Variants in RNF150 observed in about 807,000 individuals in gnomAD.
The protein encoded by RNF150 is ring finger protein 150.
A neutral mutation model predicts 39.3 loss-of-function variants in RNF150; 24 were observed. The ratio of observed to expected loss-of-function variants is 0.61; its 90% CI spans 0.44 to 0.86. The LOEUF (loss-of-function observed/expected upper bound fraction) is 0.86, where lower values mean the gene tolerates loss of function less well. Among genes scored for constraint, RNF150 ranks in the 40% least tolerant of loss-of-function variants. The probability of loss-of-function intolerance (pLI) is 0.00; values close to 1 mark genes in which losing one functional copy is unlikely to be tolerated. For missense variants in RNF150, 502 were observed against 587.8 expected, an observed-to-expected ratio of 0.85 and a Z score of 1.51; for synonymous variants, 255 against 227.3, an observed-to-expected ratio of 1.12 and a Z score of -1.10.
At chr4:141,169,286 T>C (rs192527171) in intron 1 of RNF150, among the ~76,000 whole-genome samples, 139 of 152,236 alleles carry the variant, frequency 9.1e-4, no homozygotes, top group African/African-American at 3.2e-3. Context: ...ACTTCCCCTT[T>C]ACCTTCTGCC....
At chr4:141,070,238 G>A (rs1038654516) in intron 1 of RNF150, among the ~76,000 whole-genome samples, 2 of 152,194 alleles carry the variant, frequency 1.3e-5, no homozygotes, top group African/African-American at 4.8e-5. Flanking sequence ...ATTCAAAATG[G>A]ATTAAAGATT....
chr4:140,948,179 C>T (rs1176798733), intron 3 of RNF150, among the ~76,000 whole-genome samples: 2 of 151,830 alleles, frequency 1.3e-5, no homozygotes, highest in African/African-American at 4.8e-5. Flanking sequence ...TAACATAGTG[C>T]TTATGTAATA....
chr4:140,920,443 C>T (rs1457015089), intron 5 of RNF150, among the ~76,000 whole-genome samples: 4 of 135,038 alleles, frequency 3.0e-5, no homozygotes, highest in Admixed American at 7.9e-5. Context: ...AAAACGCTCA[C>T]CATCACTGGC....
At chr4:141,178,832 T>TGTGTTCTAGAACACATACTA (rs541914155) in intron 1 of RNF150, among the ~76,000 whole-genome samples, 4 of 152,114 alleles carry the variant, frequency 2.6e-5, no homozygotes, top group Admixed American at 1.3e-4. Flanking sequence ...AAGCTGAGTA[T>TGTGTTCTAGAACACATACTA]GTGTTCTAGA....
At chr4:141,045,227 A>G (rs1736526598) in intron 1 of RNF150, among the ~76,000 whole-genome samples, 1 of 152,252 alleles carries the variant, frequency 6.6e-6, no homozygotes, top group Non-Finnish European at 1.5e-5. Context: ...TCAAAATACC[A>G]GAAACACCTG....
At chr4:141,085,480 A>G (rs1265331739) in intron 1 of RNF150, among the ~76,000 whole-genome samples, 2 of 152,230 alleles carry the variant, frequency 1.3e-5, no homozygotes, top group Non-Finnish European at 2.9e-5. Context: ...AACATCCCAG[A>G]TGAGGTCTCT....
chr4:140,903,836 G>A (rs1730277493), intron 6 of RNF150, among the ~76,000 whole-genome samples: 1 of 152,172 alleles, frequency 6.6e-6, no homozygotes, highest in African/African-American at 2.4e-5. Context: ...CTCAGGCTGA[G>A]TGCTCCAAGT....
At chr4:140,880,649 G>T (rs532402623) in intron 6 of RNF150, among the ~76,000 whole-genome samples, 176 of 147,920 alleles carry the variant, frequency 1.2e-3, no homozygotes, top group African/African-American at 3.4e-3. Context: ...GTTTTTTTTT[G>T]TTTGTTTGTT....
intron 1 of RNF150, among the ~76,000 whole-genome samples, chr4:141,108,093 A>G (rs953712268): frequency 1.3e-5 from 2 of 152,150 alleles, no homozygotes; most frequent in African/African-American, 4.8e-5. Flanking sequence ...CCTCTTTAGC[A>G]TATCATTCAG....
At chr4:141,016,143 G>A (rs995904083) in intron 1 of RNF150, among the ~76,000 whole-genome samples, 2 of 151,722 alleles carry the variant, frequency 1.3e-5, no homozygotes, top group Admixed American at 6.6e-5. Flanking sequence ...TTTTTACTGC[G>A]TCCGTCCCTG....
intron 1 of RNF150, among the ~76,000 whole-genome samples, chr4:141,117,064 G>A (rs1048881919): frequency 2.0e-5 from 3 of 152,056 alleles, no homozygotes; most frequent in African/African-American, 7.2e-5. Flanking sequence ...GTTGCTGGGT[G>A]CAGCAAACCA....
intron 1 of RNF150, among the ~76,000 whole-genome samples, chr4:141,105,510 C>T (rs1439497432): frequency 6.6e-6 from 1 of 152,172 alleles, no homozygotes; most frequent in Non-Finnish European, 1.5e-5. Context: ...CCACCAATCT[C>T]CCAAATGCTC....
At chr4:140,885,568 C>T (rs1039785014) in intron 6 of RNF150, among the ~76,000 whole-genome samples, 6 of 151,316 alleles carry the variant, frequency 4.0e-5, no homozygotes, top group Non-Finnish European at 8.8e-5. Context: ...TCTCGAGTAG[C>T]TGGGATTACA....
At position 140,999,969 on chromosome 4, in the gene RNF150, G is replaced by GAAGAAAAGAAGAA. The variant is rs1553935655; in HGVS notation, c.485-32097_485-32096insTTCTTCTTTTCTT. Among the ~76,000 whole-genome samples, 6 of 31,004 alleles carry GAAGAAAAGAAGAA rather than the reference G, an allele frequency of 1.9e-4. 2 individuals are homozygous for GAAGAAAAGAAGAA. The highest frequency in any genetic ancestry group is 2.7e-4 in the African/African-American group (4 of 14,640). The allele number at this position is 31,004 out of a possible 152,430, so 20.3% of individuals were successfully genotyped here. On this transcript the variant is annotated intron_variant, in intron 1 of 6. Coordinates refer to ENST00000515673, the MANE Select transcript of RNF150 (RefSeq NM_020724.2). ...AGAAGAAGAAGAAGAAGAAGAAGAA[G>GAAGAAAAGAAGAA]AAGAAGAAAAGAAGAAAAGAAGAAA...
chr4:141,023,361 T>C (rs1029931313), intron 1 of RNF150, among the ~76,000 whole-genome samples: 6 of 151,972 alleles, frequency 3.9e-5, no homozygotes, highest in African/African-American at 9.7e-5. Context: ...TTCTCCTGCC[T>C]TGGCTTCCCA....
intron 1 of RNF150, among the ~76,000 whole-genome samples, chr4:141,176,954 AC>A (rs1380360507): frequency 1.3e-5 from 2 of 150,874 alleles, no homozygotes; most frequent in African/African-American, 4.9e-5. Context: ...GGTGGTTCAC[AC>A]CTGTAATCCC....
intron 4 of RNF150, among the ~76,000 whole-genome samples, chr4:140,945,558 T>TATATATACATATATACATATATATACTAC (rs1560980520): frequency 6.3e-5 from 9 of 142,298 alleles, no homozygotes; most frequent in Admixed American, 3.6e-4. Context: ...ACACTACATA[T>TATATATACATATATACATATATATACTAC]ATATATACAT....
chr4:141,053,865 C>A, intron 1 of RNF150: 1 of 425,028 alleles, frequency 2.4e-6, no homozygotes, highest in South Asian at 1.2e-4. Flanking sequence ...CTTTCACTAT[C>A]ACATTGAAAA....
intron 1 of RNF150, among the ~76,000 whole-genome samples, chr4:141,161,322 T>G (rs924584608): frequency 6.6e-6 from 1 of 152,200 alleles, no homozygotes; most frequent in Non-Finnish European, 1.5e-5. Flanking sequence ...CAGAAAAAGT[T>G]TGTAAGCAGC....
Sources: allele counts gnomAD v4.1 joint callset (sites outside exome capture counted in the v4.1 genomes callset), GRCh38; gene constraint gnomAD v4.1.1; transcripts MANE v1.5; gene names NCBI Gene and HGNC (gene_info 2026-07-23, HGNC 2026-07-21).